Variants in ATP11B observed in about 807,000 individuals in gnomAD.
ATP11B encodes the protein phospholipid-transporting ATPase IF.
In ATP11B, 81 loss-of-function variants were observed where a neutral mutation model predicts 157.8. The ratio of observed to expected loss-of-function variants is 0.51; its 90% CI spans 0.43 to 0.62. The LOEUF is 0.62. ATP11B is among the 20% of genes least tolerant of loss of function. ATP11B has a pLI of 0.00. For synonymous variants in ATP11B, 451 were observed against 469.4 expected (o/e 0.96, Z 0.51); for missense variants, 1,165 against 1,402.2 (o/e 0.83, Z 2.70).
At chr3:182,856,723 A>AT (rs1720436808) in intron 10 of ATP11B, among the ~76,000 whole-genome samples, 2 of 152,188 alleles carry the variant, frequency 1.3e-5, no homozygotes, top group Non-Finnish European at 2.9e-5. Context: ...GTCACAGCAG[A>AT]ATATATAGAG....
chr3:182,836,397 T>G lies in ATP11B; in HGVS notation c.479T>G (p.Leu160Arg). 6.2e-7 allele frequency: 1 copy of G among 1,613,984 alleles called. No individual in the cohort carries two copies. The highest frequency in any genetic ancestry group is 8.5e-7 in the Non-Finnish European group (1 of 1,179,862). Residue 160 changes from leucine (L) to arginine (R), a missense_variant, in exon 6 of 30, where the codon CTT becomes CGT. Physicochemically the swap from Leu to Arg is moderately radical, Grantham distance 102. Transcript: ENST00000323116. ...KDEIFPADLV[L>R]LSSDRLDGSC... ...GAAATTTTTCCTGCAGACTTGGTGC[T>G]TCTGTCCTCAGATCGACTGGATGGT...
At chr3:182,883,334 G>A (rs745817225) in intron 21 of ATP11B, among the ~76,000 whole-genome samples, 7 of 151,052 alleles carry the variant, frequency 4.6e-5, no homozygotes, top group East Asian at 2.0e-4. Flanking sequence ...CTCGGCTCAC[G>A]GCAACCTCCG....
At chr3:182,858,110 G>T (rs758771929) in intron 11 of ATP11B, 82 bp downstream of exon 11, 109 of 1,256,626 alleles carry the variant, frequency 8.7e-5, no homozygotes, top group Non-Finnish European at 1.2e-4. Flanking sequence ...CTTCTGATTG[G>T]AGAGACCACT....
In ATP11B at chr3:182,915,504, A is replaced by T. The variant is rs532773562; in HGVS notation, c.3452+1510A>T. 3 of 984,448 alleles carry T rather than the reference A, an allele frequency of 3.0e-6. No individual in the cohort carries two copies. The East Asian group carries it at 3.4e-4, about 112-fold the overall frequency. 61.0% of individuals were successfully genotyped at this position (984,448 alleles called of 1,614,324 possible). ...TTACCTAATAACATAGCTTCATTGC[A>T]CAGAATCAAGATAGGAGTTAGACTA... is the stretch of plus-strand genomic sequence containing the variant. On this transcript the variant is annotated intron_variant, in intron 29 of 29. Transcript: ENST00000323116.
rs1001157852 is a variant in ATP11B, at chr3:182,919,425, C to T, written c.*1321C>T. ...CTCATTGCACTTCAAAACCTAACTT[C>T]CATCCTGAATTTATCAAGTAGTTCA... On this transcript the variant is annotated 3_prime_UTR_variant, in exon 30 of 30. Transcript: ENST00000323116. 1 of 152,576 alleles carries T rather than the reference C, an allele frequency of 6.6e-6. No individual in the cohort carries two copies. The highest frequency in any genetic ancestry group is 1.5e-5 in the Non-Finnish European group (1 of 68,014). 9.5% of individuals were successfully genotyped at this position (152,576 alleles called of 1,614,324 possible).
chr3:182,843,848 A>G (rs1256737902), intron 8 of ATP11B: 5 of 152,250 alleles, frequency 3.3e-5, no homozygotes, highest in Admixed American at 6.5e-5. Flanking sequence ...CAAGCCAGCA[A>G]AAATACCATA....
rs767912201 is a variant in ATP11B, at chr3:182,872,441, G to A, written c.1952G>A (p.Arg651Lys). Residue 651 changes from arginine to lysine, a missense_variant, in exon 18 of 30, where the codon AGG becomes AAG. By Grantham distance (26) the Arg-to-Lys change is conservative. Transcript: ENST00000323116. Reference protein sequence around the residue: ...EEIDKRIFEARTALQQREEKL... With the variant: ...EEIDKRIFEAKTALQQREEKL... ...ATAGATAAACGCATATTTGAAGCCA[G>A]GACTGCCTTGCAGCAGCGGGAAGAG... 17 of 1,613,994 alleles carry A rather than the reference G, an allele frequency of 1.1e-5. No individual in the cohort carries two copies. Among genetic ancestry groups the A allele is most frequent in the Non-Finnish European group, 1.7e-6 (2 of 1,179,986 alleles).
chr3:182,868,267 C>G (rs1267528786), intron 15 of ATP11B, among the ~76,000 whole-genome samples: 2 of 150,506 alleles, frequency 1.3e-5, no homozygotes, highest in Non-Finnish European at 3.0e-5. Flanking sequence ...GCTTAATATA[C>G]TTACTCCTTT....
chr3:182,867,536 T>G, intron 15 of ATP11B, 92 bp downstream of exon 15: 5 of 677,900 alleles, frequency 7.4e-6, no homozygotes, highest in South Asian at 6.2e-5. Flanking sequence ...AGGGCAAATG[T>G]GGCCTATATT....
intron 8 of ATP11B, among the ~76,000 whole-genome samples, chr3:182,842,874 A>G (rs1373392908): frequency 2.0e-5 from 3 of 152,252 alleles, no homozygotes; most frequent in African/African-American, 4.8e-5. Flanking sequence ...CCACATTACT[A>G]GAATCCCATT....
At chr3:182,872,580 G>T in intron 18 of ATP11B, 43 bp downstream of exon 18, 1 of 1,468,444 alleles carries the variant, frequency 6.8e-7, no homozygotes, top group South Asian at 1.4e-5. Flanking sequence ...TCTCTCATAG[G>T]AATTTTTGTA....
intron 1 of ATP11B, among the ~76,000 whole-genome samples, chr3:182,813,198 G>A (rs1716773917): frequency 1.3e-5 from 2 of 152,018 alleles, no homozygotes; most frequent in African/African-American, 2.4e-5. Flanking sequence ...AATATTCTTC[G>A]AGCTCCTTCT....
intron 9 of ATP11B, among the ~76,000 whole-genome samples, chr3:182,846,583 G>A (rs1719549797): frequency 6.6e-6 from 1 of 152,140 alleles, no homozygotes. Context: ...ATGTTCATTA[G>A]ATAATGAATG....
intron 2 of ATP11B, among the ~76,000 whole-genome samples, chr3:182,826,087 TAGC>T (rs992527688): frequency 3.9e-5 from 6 of 152,340 alleles, no homozygotes; most frequent in South Asian, 2.1e-4. Flanking sequence ...ATTATTTTCT[TAGC>T]AGTATTTTCA....
intron 4 of ATP11B, among the ~76,000 whole-genome samples, chr3:182,834,422 C>G (rs1454787906): frequency 6.6e-6 from 1 of 152,140 alleles, no homozygotes; most frequent in Non-Finnish European, 1.5e-5. Context: ...ACTCCTAACT[C>G]CCAGTCTCCT....
At chr3:182,873,516 G>A (rs968246363) in intron 18 of ATP11B, among the ~76,000 whole-genome samples, 3 of 152,140 alleles carry the variant, frequency 2.0e-5, no homozygotes, top group African/African-American at 4.8e-5. Context: ...TAAAACAGGA[G>A]TTTATGAAGA....
chr3:182,842,030 T>C (rs771146645), intron 7 of ATP11B, 45 bp from the exon 8 acceptor site: 1 of 1,322,264 alleles, frequency 7.6e-7, no homozygotes, highest in Admixed American at 1.9e-5. Context: ...GCCATTGATG[T>C]CATAAGTGAT....
At position 182,859,175 on chromosome 3, in the gene ATP11B, T is replaced by C; in HGVS notation, c.1016T>C (p.Ile339Thr). The stretch of plus-strand genomic sequence containing the variant: ...CCTTTTTTCTAGATTCTGAGATTTA[T>C]TTCAGACTTCCTTGCTTTTTTGGTT... ...QRNSSKILRF[I>T]SDFLAFLVLY... The change falls in exon 12 of 30, where the codon ATT becomes ACT. Residue 339 changes from isoleucine to threonine, a missense_variant. By Grantham distance (89) the Ile-to-Thr change is moderately conservative (BLOSUM62 -1). Around this residue, in one of 4 missense-constraint regions of ATP11B, gnomAD observed 737 missense variants for 930.5 expected, o/e 0.79. Transcript: ENST00000323116. 1 of 1,604,960 alleles carries C rather than the reference T, an allele frequency of 6.2e-7. No homozygotes were observed. Among genetic ancestry groups the C allele is most frequent in the Non-Finnish European group, 8.5e-7 (1 of 1,175,388 alleles).
chr3:182,875,693 G>A (rs888982191), intron 19 of ATP11B, among the ~76,000 whole-genome samples: 9 of 152,106 alleles, frequency 5.9e-5, no homozygotes, highest in African/African-American at 1.9e-4. Flanking sequence ...TGCCTGCCTT[G>A]GCCTCCCAAA....
Sources: allele counts gnomAD v4.1 joint callset (sites outside exome capture counted in the v4.1 genomes callset), GRCh38; gene constraint gnomAD v4.1.1; regional missense constraint gnomAD v4.1.1; transcripts MANE v1.5; gene names NCBI Gene and HGNC (gene_info 2026-07-23, HGNC 2026-07-21).